Variants in RELN observed in about 807,000 individuals in gnomAD.
RELN encodes reelin.
A neutral mutation model predicts 427.6 loss-of-function variants in RELN; 108 were observed. The observed-to-expected ratio is 0.25, with a 90% CI of 0.22 to 0.30. The LOEUF is 0.30. Among genes scored for constraint, RELN ranks in the 10% least tolerant of loss-of-function variants. The pLI is 1.00. For missense variants in RELN, 3,715 were observed against 4,302.8 expected, an observed-to-expected ratio of 0.86 and a Z score of 3.82; for synonymous variants, 1,524 against 1,513.4, an observed-to-expected ratio of 1.01 and a Z score of -0.16.
At chr7:103,866,171 TTC>T (rs1470189769) in intron 2 of RELN, among the ~76,000 whole-genome samples, 10 of 152,242 alleles carry the variant, frequency 6.6e-5, no homozygotes, top group African/African-American at 2.2e-4. Context: ...ATAAAATAGT[TTC>T]TGTCTTTGAA....
intron 19 of RELN, among the ~76,000 whole-genome samples, chr7:103,632,312 T>G (rs1832487874): frequency 6.6e-6 from 1 of 152,252 alleles, no homozygotes; most frequent in Non-Finnish European, 1.5e-5. Context: ...TTTTTTTGTC[T>G]GCTTTTCACT....
Position 103,585,776 on chromosome 7 carries a change from A to G in RELN, c.4145+3820T>C, listed in dbSNP as rs1287224564. On this transcript the variant is annotated intron_variant, in intron 28 of 64. Transcript: ENST00000428762. ...CAACCAAAAAAGAAAACAGGCTAGT[A>G]TCCCTGATGAACATAGACACAAAAA... 3.9e-5 allele frequency among the ~76,000 whole-genome samples: 6 copies of G among 152,290 alleles called. No homozygotes were observed. The East Asian group carries it at 9.7e-4, about 25-fold the overall frequency.
intron 3 of RELN, among the ~76,000 whole-genome samples, chr7:103,827,926 A>C (rs898204609): frequency 2.0e-5 from 3 of 152,042 alleles, no homozygotes; most frequent in Non-Finnish European, 4.4e-5. Flanking sequence ...AATGGGAGGT[A>C]ATTTATTTTT....
Position 103,495,841 on chromosome 7 carries a change from C to G in RELN, c.9251G>C (p.Gly3084Ala), listed in dbSNP as rs746502114. The change falls in exon 57 of 65, where the codon GGA becomes GCA. Residue 3084 changes from glycine to alanine, a missense_variant. Around this residue, in one of 4 missense-constraint regions of RELN, gnomAD observed 1,310 missense variants for 1,643.0 expected, o/e 0.80. Transcript: ENST00000428762. ...SFYPNAVRTA[G>A]FCGNPSFHLY... ...GTGAAAGGATGGATTGCCACAAAAT[C>G]CTGCTGTCCTTACAGCATTAGGGTA... 14 of 1,613,910 alleles carry G rather than the reference C, an allele frequency of 8.7e-6. No homozygotes were observed. Among genetic ancestry groups the G allele is most frequent in the Non-Finnish European group, 1.2e-5 (14 of 1,179,916 alleles).
intron 1 of RELN, among the ~76,000 whole-genome samples, chr7:103,970,125 T>C (rs1186500543): frequency 6.6e-6 from 1 of 151,814 alleles, no homozygotes; most frequent in Non-Finnish European, 1.5e-5. Flanking sequence ...TATTGTCCAT[T>C]TTTTTTCTTT....
Position 103,515,333 on chromosome 7 carries a change from A to G in RELN, c.7971T>C (p.Asn2657=), listed in dbSNP as rs1209846224. ...GGTCAGCAGAGCCTGAGATGAGGAC[A>G]TTGTCAATGGCCCAGTCGTTCTGAT... ...GLDQNDWAID[N]VLISGSADQR... Residue 2657 remains asparagine, a synonymous_variant, in exon 50 of 65, where the codon AAT becomes AAC. Transcript: ENST00000428762. 1.2e-6 allele frequency: 2 copies of G among 1,614,052 alleles called. No individual in the cohort carries two copies. The highest frequency in any genetic ancestry group is 1.1e-5 in the South Asian group (1 of 91,040).
intron 27 of RELN, among the ~76,000 whole-genome samples, chr7:103,592,525 T>C (rs771444185): frequency 3.9e-5 from 6 of 152,190 alleles, no homozygotes; most frequent in Non-Finnish European, 1.5e-5. Flanking sequence ...GAATGATTTA[T>C]ACTTCTTTGA....
intron 50 of RELN, 78 bp from the exon 51 acceptor site, chr7:103,511,083 AT>A (rs1390088730): frequency 3.0e-5 from 30 of 1,014,826 alleles, no homozygotes; most frequent in Non-Finnish European, 4.6e-6. Context: ...TAAGCAAGAC[AT>A]AGAATTATTT....
chr7:103,705,210 A>G (rs1481268110), intron 8 of RELN, among the ~76,000 whole-genome samples: 1 of 152,316 alleles, frequency 6.6e-6, no homozygotes, highest in South Asian at 2.1e-4. Flanking sequence ...TAACATATCC[A>G]TCACCTCACA....
intron 49 of RELN, among the ~76,000 whole-genome samples, chr7:103,516,987 C>T (rs1829581607): frequency 6.6e-6 from 1 of 152,104 alleles, no homozygotes; most frequent in Non-Finnish European, 1.5e-5. Flanking sequence ...ATTCTGTGCG[C>T]CCTTTGGGCC....
In RELN at chr7:103,611,703, C is replaced by G; in HGVS notation, c.2803G>C (p.Gly935Arg). Residue 935 changes from glycine to arginine, a missense_variant, in exon 21 of 65, where the codon GGA becomes CGA. This residue lies in a region of RELN where 2,208 missense variants were observed against 2,361.7 expected (regional missense o/e 0.93). Transcript: ENST00000428762. ...SYMIQFSLVM[G>R]CGQKYTPHMD... ...TGTGGGGTGTATTTCTGGCCACATC[C>G]CATCACCAAACTGAACTGAATCATA... is the stretch of plus-strand genomic sequence containing the variant. 1 of 1,613,822 alleles carries G rather than the reference C, an allele frequency of 6.2e-7. No homozygotes were observed. Among genetic ancestry groups the G allele is most frequent in the South Asian group, 1.1e-5 (1 of 91,068 alleles).
intron 36 of RELN, among the ~76,000 whole-genome samples, chr7:103,559,272 A>G (rs2247776): frequency 0.19 from 28,179 of 152,144 alleles, 3,165 homozygotes; most frequent in East Asian, 0.41. Context: ...TTATTAAACT[A>G]TCTTTTGGTT....
chr7:103,916,328 G>C lies in RELN; in HGVS notation c.337+747C>G, dbSNP rs186198894. 5.6e-3 allele frequency among the ~76,000 whole-genome samples: 849 copies of C among 152,266 alleles called. 4 individuals are homozygous for C. The highest frequency in any genetic ancestry group is 0.01 in the Non-Finnish European group (692 of 68,022). ...CAATTCTATCCTTCTCACATCTATA[G>C]ATGAAGTCCTGTGTAATCTTTCAAT... On this transcript the variant is annotated intron_variant, in intron 2 of 64. Transcript: ENST00000428762.
chr7:103,711,058 TAAA>T (rs1789784763), intron 8 of RELN, among the ~76,000 whole-genome samples: 1 of 149,112 alleles, frequency 6.7e-6, no homozygotes, highest in African/African-American at 2.6e-5. Context: ...AAAATTTTTT[TAAA>T]TAAATAAATA....
intron 3 of RELN, among the ~76,000 whole-genome samples, chr7:103,799,293 C>T (rs1312130228): frequency 1.3e-5 from 2 of 152,056 alleles, no homozygotes; most frequent in Admixed American, 1.3e-4. Flanking sequence ...CATTATCTAC[C>T]CCTAGTCTGC....
At chr7:103,695,436 A>G (rs1833957680) in intron 10 of RELN, among the ~76,000 whole-genome samples, 2 of 151,902 alleles carry the variant, frequency 1.3e-5, no homozygotes, top group Admixed American at 6.6e-5. Flanking sequence ...GCAAGTCTCA[A>G]ATGTGTGATT....
chr7:103,540,163 G>A (rs761092051), intron 44 of RELN, 34 bp downstream of exon 44: 28 of 1,612,766 alleles, frequency 1.7e-5, no homozygotes, highest in African/African-American at 1.2e-4. Context: ...CTCAAGTGAC[G>A]ACAATTAAAA....
Position 103,603,888 on chromosome 7 carries a change from C to G in RELN, c.3147-398G>C, listed in dbSNP as rs1831739304. ...ATTCAGGCAACATTTTATAGTTCCT[C>G]TTTCTGATTAAACTATGCCTTTTTT... is the stretch of plus-strand genomic sequence containing the variant. On this transcript the variant is annotated intron_variant, in intron 23 of 64. Transcript: ENST00000428762. The surrounding 1 kb of genome is among the most constrained non-coding windows in gnomAD (Gnocchi z 4.3). 6.6e-6 allele frequency among the ~76,000 whole-genome samples: 1 copy of G among 151,512 alleles called. No homozygotes were observed. The highest frequency in any genetic ancestry group is 2.4e-5 in the African/African-American group (1 of 40,838).
Position 103,565,373 on chromosome 7 carries a change from G to T in RELN, c.5115C>A (p.Thr1705=), listed in dbSNP as rs139945641. ...HLVTEECVPP[T]IGCLHYTESS... Reference sequence around the variant, plus strand: ...TTTCCGTGTAATGCAGACAGCCAATGGTTGGAGGAACACACTCTTCGGTGA... The same window carrying T: ...TTTCCGTGTAATGCAGACAGCCAATTGTTGGAGGAACACACTCTTCGGTGA... The change falls in exon 34 of 65, where the codon ACC becomes ACA. Residue 1705 remains threonine (T), a synonymous_variant. Coordinates refer to ENST00000428762, the MANE Select transcript of RELN (RefSeq NM_005045.4). The T allele has an allele frequency of 1.2e-6, 2 of 1,613,980 alleles. No homozygotes were observed. Among genetic ancestry groups the T allele is most frequent in the African/African-American group, 1.3e-5 (1 of 74,924 alleles).
Sources: allele counts gnomAD v4.1 joint callset (sites outside exome capture counted in the v4.1 genomes callset), GRCh38; gene constraint gnomAD v4.1.1; regional missense constraint gnomAD v4.1.1; non-coding constraint Gnocchi (gnomAD v3.1); transcripts MANE v1.5; gene names NCBI Gene and HGNC (gene_info 2026-07-23, HGNC 2026-07-21).